The following TUT7 variants were observed in gnomAD, a reference collection of about 807,000 sequenced individuals.
The protein encoded by TUT7 is terminal uridylyl transferase 7.
In TUT7, 33 loss-of-function variants were observed where a neutral mutation model predicts 165.9. The ratio of observed to expected loss-of-function variants is 0.20; its 90% confidence interval spans 0.15 to 0.27. The LOEUF is 0.27. Ranked by LOEUF, TUT7 falls within the 10% of genes least tolerant of loss-of-function variation. The probability of loss-of-function intolerance (pLI) is 1.00; values close to 1 mark genes in which losing one functional copy is unlikely to be tolerated. For missense variants in TUT7, 1,338 were observed against 1,762.3 expected (o/e 0.76, Z 4.31); for synonymous variants, 552 against 608.1 (o/e 0.91, Z 1.36).
chr9:86,319,532 T>C, intron 15 of TUT7, 52 bp downstream of exon 15: 1 of 1,291,008 alleles, frequency 7.7e-7, no homozygotes, highest in Admixed American at 2.2e-5. Flanking sequence ...ATGAACTGAT[T>C]TGGAAAAAAG....
chr9:86,330,977 C>T (rs1254117070), intron 10 of TUT7, among the ~76,000 whole-genome samples: 1 of 151,662 alleles, frequency 6.6e-6, no homozygotes, highest in Non-Finnish European at 1.5e-5. Context: ...ACCTCCTGGG[C>T]TTAAGCAATC....
chr9:86,342,393 T>G lies in TUT7; in HGVS notation c.1086+682A>C, dbSNP rs12056971. Among the ~76,000 whole-genome samples the G allele has an allele frequency of 1.4e-3, 216 of 152,232 alleles. 3 individuals carry two copies. In the East Asian group the frequency reaches 0.041, roughly 29 times the overall value. ...CAGAGAAATGGATAATCTACTAAAG[T>G]GCCTTTCAGTTTTTTGTTTTTTTAA... On this transcript the variant is annotated intron_variant, in intron 6 of 26. Transcript: ENST00000375963.
chr9:86,322,909 A>G lies in TUT7; in HGVS notation c.2841T>C (p.Phe947=). Residue 947 remains phenylalanine (F), a synonymous_variant, in exon 13 of 27, where the codon TTT becomes TTC. Coordinates refer to ENST00000375963, the MANE Select transcript of TUT7 (RefSeq NM_024617.4). ...TGAAGATAAGTTTACTGAATTCATAAAAAAAATCAGACTGATCCACAGGTG... is the reference window on the plus strand; with the variant it reads ...TGAAGATAAGTTTACTGAATTCATAGAAAAAATCAGACTGATCCACAGGTG... ...KNSPVDQSDF[F]YEFSKLIFTK... 1 of 1,605,644 alleles carries G rather than the reference A, an allele frequency of 6.2e-7. No homozygotes were observed. Among genetic ancestry groups the G allele is most frequent in the Non-Finnish European group, 8.5e-7 (1 of 1,177,482 alleles).
intron 14 of TUT7, among the ~76,000 whole-genome samples, chr9:86,320,257 C>CCA (rs1554700804): frequency 8.9e-6 from 1 of 112,338 alleles, no homozygotes; most frequent in Admixed American, 9.3e-5. Context: ...AAAAATTTCC[C>CCA]AAAAAAAAAA....
intron 8 of TUT7, among the ~76,000 whole-genome samples, chr9:86,339,619 C>G (rs1242988883): frequency 6.6e-6 from 1 of 152,154 alleles, no homozygotes; most frequent in East Asian, 1.9e-4. Context: ...ATCATTACAG[C>G]CTATAAACCA....
intron 8 of TUT7, 116 bp from the exon 9 acceptor site, chr9:86,339,065 AT>A: frequency 1.0e-6 from 1 of 989,022 alleles, no homozygotes; most frequent in Non-Finnish European, 1.3e-6. Flanking sequence ...TACTTCAAAA[AT>A]AAAAAGCTTA....
rs1459068521 is a variant in TUT7, at chr9:86,352,371, A to G, written c.520+309T>C. ...ACACACAAACCACTGAGCAATTACG[A>G]TATGGTCCCCTGGAGCATATAGCTA... On this transcript the variant is annotated intron_variant, in intron 2 of 26. Transcript: ENST00000375963. Among the ~76,000 whole-genome samples the G allele has an allele frequency of 3.3e-5, 5 of 152,210 alleles. No homozygotes were observed. The South Asian group carries it at 6.2e-4, about 19-fold the overall frequency.
In TUT7 at chr9:86,328,497, GA is replaced by G. The variant is rs1830009514; in HGVS notation, c.1456-6del. 6.3e-7 allele frequency: 1 copy of G among 1,594,728 alleles called. No individual in the cohort carries two copies. Among genetic ancestry groups the G allele is most frequent in the Non-Finnish European group, 8.5e-7 (1 of 1,171,856 alleles). On this transcript the variant is annotated splice_polypyrimidine_tract_variant and splice_region_variant and intron_variant, in intron 10 of 26. Coordinates refer to ENST00000375963, the MANE Select transcript of TUT7 (RefSeq NM_024617.4). Reference sequence around the variant, plus strand: ...GCTTAATGAGAATCCTTCAATCTAGGAAAAATTAGACACATGCTAAAATAAG... The same window carrying G: ...GCTTAATGAGAATCCTTCAATCTAGGAAAATTAGACACATGCTAAAATAAG...
intron 17 of TUT7, among the ~76,000 whole-genome samples, chr9:86,316,986 A>G (rs1163307553): frequency 6.6e-6 from 1 of 152,200 alleles, no homozygotes. Context: ...ATTATAAGTA[A>G]CCTAGAGATG....
In TUT7 at chr9:86,345,052, A is replaced by G; in HGVS notation, c.922T>C (p.Leu308=). Residue 308 remains leucine (L), a synonymous_variant, in exon 5 of 27, where the codon TTA becomes CTA. Coordinates refer to ENST00000375963, the MANE Select transcript of TUT7 (RefSeq NM_024617.4). The stretch of plus-strand genomic sequence containing the variant: ...CTCTGTTCCAAGTTCTCATTGTGTA[A>G]GCCAAATTCCTGTACCACTTTGTCA... ...AIDKVVQEFG[L]HNENLEQRLE... is the part of the protein sequence containing the mutation. 1 of 1,613,774 alleles carries G rather than the reference A, an allele frequency of 6.2e-7. No individual in the cohort carries two copies. Among genetic ancestry groups the G allele is most frequent in the East Asian group, 2.2e-5 (1 of 44,856 alleles).
In TUT7 at chr9:86,351,174, G is replaced by A. The variant is rs543263828; in HGVS notation, c.520+1506C>T. Among the ~76,000 whole-genome samples, 4 of 150,576 alleles carry A rather than the reference G, an allele frequency of 2.7e-5. No individual in the cohort carries two copies. The East Asian group carries it at 5.9e-4, about 22-fold the overall frequency. ...AATCAGGCTGAATGTGGTGGCTCAC[G>A]CCTGTAATCCCAGCACTTTGGGAGG... On this transcript the variant is annotated intron_variant, in intron 2 of 26. Transcript: ENST00000375963.
At chr9:86,341,762 C>T (rs949094963) in intron 6 of TUT7, among the ~76,000 whole-genome samples, 2 of 152,148 alleles carry the variant, frequency 1.3e-5, no homozygotes, top group South Asian at 2.1e-4. Flanking sequence ...GGCTCCTTTT[C>T]GTCTTTTAGA....
In TUT7 at chr9:86,310,707, A is replaced by T; in HGVS notation, c.3377T>A (p.Leu1126Ter). The T allele has an allele frequency of 6.3e-7, 1 of 1,575,880 alleles. No homozygotes were observed. The highest frequency in any genetic ancestry group is 8.7e-7 in the Non-Finnish European group (1 of 1,146,434). Residue 1126 changes from leucine (L) to a stop codon, truncating the protein, a stop_gained and splice_region_variant, in exon 18 of 27, where the codon TTG becomes TAG. Coordinates refer to ENST00000375963, the MANE Select transcript of TUT7 (RefSeq NM_024617.4). LOFTEE classifies it high-confidence loss of function. ...CAAAAAGCCTGAAAAAAATCTTACC[A>T]ATGTGTTATACAAACTGATATCTAC... ...LEVDISLYNT[L>*]ALHNTRLLSA...
chr9:86,337,926 C>T (rs1830965940), intron 9 of TUT7, among the ~76,000 whole-genome samples: 1 of 152,136 alleles, frequency 6.6e-6, no homozygotes, highest in African/African-American at 2.4e-5. Flanking sequence ...TAACCCATAG[C>T]GTCTTGCATA....
rs1443618505 is a variant in TUT7 at position 86,288,511 on chromosome 9, A to T, written c.*166T>A. The stretch of plus-strand genomic sequence containing the variant: ...TGTGGTAGATAAGACTATATTAAAA[A>T]TTTTTCCTCATTAACAATTTCATTA... On this transcript the variant is annotated 3_prime_UTR_variant, in exon 27 of 27. Coordinates refer to ENST00000375963, the MANE Select transcript of TUT7 (RefSeq NM_024617.4). 6.1e-6 allele frequency: 3 copies of T among 489,526 alleles called. No individual in the cohort carries two copies. The highest frequency in any genetic ancestry group is 1.9e-5 in the African/African-American group (1 of 52,132). 30.3% of individuals were successfully genotyped at this position (489,526 alleles called of 1,614,324 possible). A position where few individuals can be genotyped will look rare whatever the true frequency, so the allele number is the denominator to read the frequency against.
At chr9:86,345,189 T>C (rs1474889486) in intron 4 of TUT7, 35 bp from the exon 5 acceptor site, 1 of 1,579,948 alleles carries the variant, frequency 6.3e-7, no homozygotes, top group Non-Finnish European at 8.6e-7. Flanking sequence ...AAAAATGACT[T>C]ACACATAGTT....
intron 20 of TUT7, 33 bp from the exon 21 acceptor site, chr9:86,309,322 T>A: frequency 2.1e-6 from 3 of 1,463,286 alleles, no homozygotes; most frequent in South Asian, 2.4e-5. Context: ...TAGTATGGAT[T>A]ACAAACTTAA....
chr9:86,346,240 A>G, intron 3 of TUT7, 59 bp downstream of exon 3: 2 of 1,535,586 alleles, frequency 1.3e-6, no homozygotes, highest in Non-Finnish European at 1.8e-6. Flanking sequence ...CTCAATTAAC[A>G]ACAAAATTGA....
intron 14 of TUT7, 70 bp downstream of exon 14, chr9:86,322,255 G>C: frequency 1.4e-6 from 2 of 1,436,484 alleles, no homozygotes; most frequent in Non-Finnish European, 9.7e-7. Context: ...AAATAGGATA[G>C]TGATTCTAAA....
Sources: gnomAD v4.1 joint callset for allele counts (sites outside exome capture counted in the v4.1 genomes callset) on GRCh38, gnomAD v4.1.1 for gene constraint, MANE v1.5 for transcripts, NCBI Gene and HGNC (gene_info 2026-07-23, HGNC 2026-07-21) for gene names.